The following ZNF385D variants were observed in gnomAD, a reference collection of about 807,000 sequenced individuals.
ZNF385D encodes the protein zinc finger protein 659.
In ZNF385D, 15 loss-of-function variants were observed where a neutral mutation model predicts 35.8. The ratio of observed to expected loss-of-function variants is 0.42; its 90% CI spans 0.28 to 0.64. The LOEUF (loss-of-function observed/expected upper bound fraction) is 0.64, where lower values mean the gene tolerates loss of function less well. Among genes scored for constraint, ZNF385D ranks in the 30% least tolerant of loss-of-function variants. The probability of loss-of-function intolerance (pLI) is 0.23; values close to 1 mark genes in which losing one functional copy is unlikely to be tolerated. For missense variants in ZNF385D, 474 were observed against 494.6 expected, an observed-to-expected ratio of 0.96 and a Z score of 0.39; for synonymous variants, 212 against 186.8, an observed-to-expected ratio of 1.13 and a Z score of -1.10.
chr3:21,484,826 G>T (rs1704912222), intron 4 of ZNF385D, among the ~76,000 whole-genome samples: 1 of 152,290 alleles, frequency 6.6e-6, no homozygotes, highest in South Asian at 2.1e-4. Context: ...ACTGAAAAGA[G>T]CAGACTTGTC....
intron 3 of ZNF385D, among the ~76,000 whole-genome samples, chr3:21,916,567 A>G (rs1397567539): frequency 6.6e-6 from 1 of 152,228 alleles, no homozygotes; most frequent in Non-Finnish European, 1.5e-5. Flanking sequence ...ATAGTCGATT[A>G]CATATGCTTT....
intron 2 of ZNF385D, among the ~76,000 whole-genome samples, chr3:22,320,954 A>G (rs978024210): frequency 6.6e-6 from 1 of 151,978 alleles, no homozygotes; most frequent in Admixed American, 6.6e-5. Flanking sequence ...ATCGTTAACA[A>G]AAGTAAACAT....
intron 2 of ZNF385D, among the ~76,000 whole-genome samples, chr3:22,216,782 G>C (rs79605996): frequency 0.015 from 2,211 of 152,202 alleles, 52 homozygotes; most frequent in African/African-American, 0.05. Context: ...GTGGCCATGT[G>C]ACAGAGGTCT....
chr3:21,872,001 A>G (rs1485450628), intron 3 of ZNF385D, among the ~76,000 whole-genome samples: 3 of 151,556 alleles, frequency 2.0e-5, no homozygotes, highest in Non-Finnish European at 4.4e-5. Flanking sequence ...TCTGTCTCAG[A>G]AAAAAAAATA....
At chr3:22,311,137 G>A (rs972714494) in intron 2 of ZNF385D, among the ~76,000 whole-genome samples, 1 of 151,784 alleles carries the variant, frequency 6.6e-6, no homozygotes, top group Non-Finnish European at 1.5e-5. Flanking sequence ...GAAGAAAGGA[G>A]AAAAAGGAAG....
chr3:22,103,668 T>A (rs1223330368), intron 3 of ZNF385D, among the ~76,000 whole-genome samples: 1 of 151,694 alleles, frequency 6.6e-6, no homozygotes, highest in African/African-American at 2.4e-5. Context: ...ACATTTGGGT[T>A]AGTGCTTGTG....
intron 3 of ZNF385D, among the ~76,000 whole-genome samples, chr3:22,032,453 G>A (rs1698059345): frequency 6.6e-6 from 1 of 152,138 alleles, no homozygotes; most frequent in African/African-American, 2.4e-5. Flanking sequence ...ACAGCATGGA[G>A]GAAACTATGC....
chr3:22,125,869 A>AT (rs762756361), intron 3 of ZNF385D, among the ~76,000 whole-genome samples: 80 of 152,212 alleles, frequency 5.3e-4, no homozygotes, highest in Non-Finnish European at 9.9e-4. Flanking sequence ...AAGAAGGATA[A>AT]TTTGACTTCT....
At chr3:22,266,946 A>G (rs2125354736) in intron 2 of ZNF385D, among the ~76,000 whole-genome samples, 1 of 152,074 alleles carries the variant, frequency 6.6e-6, no homozygotes, top group East Asian at 1.9e-4. Context: ...GAGGATATGT[A>G]ACGACAATAA....
chr3:21,593,066 A>G (rs2064027771), intron 2 of ZNF385D, among the ~76,000 whole-genome samples: 1 of 152,154 alleles, frequency 6.6e-6, no homozygotes, highest in Admixed American at 6.5e-5. Flanking sequence ...ACCCGGGAAT[A>G]ATAGCTTCAG....
chr3:22,116,089 A>G (rs995883409), intron 3 of ZNF385D, among the ~76,000 whole-genome samples: 2 of 152,086 alleles, frequency 1.3e-5, no homozygotes, highest in African/African-American at 4.8e-5. Flanking sequence ...CAATATTTAC[A>G]CATAAGTATG....
At chr3:21,865,006 T>TTTTTTTTTC (rs1559703241) in intron 3 of ZNF385D, among the ~76,000 whole-genome samples, 1 of 141,446 alleles carries the variant, frequency 7.1e-6, no homozygotes, top group Non-Finnish European at 1.5e-5. Flanking sequence ...TTTTTTTTCT[T>TTTTTTTTTC]CCACTTTGCA....
intron 3 of ZNF385D, among the ~76,000 whole-genome samples, chr3:21,943,921 C>G (rs954954302): frequency 1.6e-4 from 24 of 152,126 alleles, no homozygotes; most frequent in Admixed American, 1.4e-3. Flanking sequence ...AAAATTCAAT[C>G]AAGCTTCCTT....
intron 3 of ZNF385D, among the ~76,000 whole-genome samples, chr3:22,167,734 G>C (rs569954675): frequency 6.6e-6 from 1 of 152,104 alleles, no homozygotes. Context: ...TGTGTCACTA[G>C]GTTTATCTTA....
chr3:21,922,396 A>G lies in ZNF385D; in HGVS notation c.325+246421T>C, dbSNP rs140375610. ...TTGCCCAAATTCAAACTATACTATA[A>G]AGCTACAACAACCAAAATTTCATGG... On this transcript the variant is annotated intron_variant, in intron 3 of 5. Coordinates refer to the ZNF385D transcript ENST00000494108. Among the ~76,000 whole-genome samples the G allele has an allele frequency of 4.2e-3, 638 of 152,332 alleles. 6 individuals are homozygous for G. Among genetic ancestry groups the G allele is most frequent in the African/African-American group, 0.015 (607 of 41,576 alleles).
At chr3:21,833,239 G>GC (rs1337171506) in intron 3 of ZNF385D, among the ~76,000 whole-genome samples, 1 of 152,096 alleles carries the variant, frequency 6.6e-6, no homozygotes, top group Non-Finnish European at 1.5e-5. Context: ...CTGAAAGTTG[G>GC]CCCCAAAGTT....
chr3:22,306,683 T>C (rs1233496143), intron 2 of ZNF385D, among the ~76,000 whole-genome samples: 2 of 152,112 alleles, frequency 1.3e-5, no homozygotes, highest in East Asian at 1.9e-4. Flanking sequence ...ATGGCTGCAA[T>C]GTAAGGTGAA....
chr3:21,819,729 C>T (rs1227807622), intron 3 of ZNF385D, among the ~76,000 whole-genome samples: 9 of 139,690 alleles, frequency 6.4e-5, no homozygotes, highest in African/African-American at 2.1e-4. Flanking sequence ...TACACATGTA[C>T]GTGTGTATAT....
At chr3:22,178,641 A>G (rs1694999055) in intron 2 of ZNF385D, among the ~76,000 whole-genome samples, 1 of 152,102 alleles carries the variant, frequency 6.6e-6, no homozygotes, top group Admixed American at 6.5e-5. Flanking sequence ...GGTGTTTTAG[A>G]CATGAAGTCC....
Sources: allele counts gnomAD v4.1 joint callset (sites outside exome capture counted in the v4.1 genomes callset), GRCh38; gene constraint gnomAD v4.1.1; transcripts MANE v1.5; gene names NCBI Gene and HGNC (gene_info 2026-07-23, HGNC 2026-07-21).